Variants in CDYL2 observed in about 807,000 individuals in gnomAD.
CDYL2 encodes chromodomain Y like 2, also known as chromodomain Y-like protein 2.
Under a neutral mutation model 49.4 loss-of-function variants are expected in CDYL2, and 23 were observed. The observed-to-expected ratio is 0.47, with a 90% CI of 0.34 to 0.66. The LOEUF (loss-of-function observed/expected upper bound fraction) is 0.66, where lower values mean the gene tolerates loss of function less well. Ranked by LOEUF, CDYL2 falls within the 30% of genes least tolerant of loss-of-function variation. CDYL2 has a pLI of 0.01. For missense variants in CDYL2, 678 were observed against 656.4 expected (o/e 1.03, Z -0.36); for synonymous variants, 360 against 268.8 (o/e 1.34, Z -3.32).
At chr16:80,797,909 C>G (rs1907814257) in intron 1 of CDYL2, among the ~76,000 whole-genome samples, 1 of 152,228 alleles carries the variant, frequency 6.6e-6, no homozygotes, top group African/African-American at 2.4e-5. Context: ...GAAGGACAAT[C>G]TGGGAATATG....
At chr16:80,762,593 C>T (rs1471607620) in intron 1 of CDYL2, among the ~76,000 whole-genome samples, 2 of 152,234 alleles carry the variant, frequency 1.3e-5, no homozygotes, top group Non-Finnish European at 2.9e-5. Flanking sequence ...GAAAACTACA[C>T]TTGACCTCAT....
chr16:80,675,551 T>C (rs1474797226), intron 2 of CDYL2, among the ~76,000 whole-genome samples: 1 of 152,168 alleles, frequency 6.6e-6, no homozygotes, highest in East Asian at 1.9e-4. Context: ...GGCTGCTTTG[T>C]GTGAGGAGTC....
chr16:80,745,952 C>A (rs1257066834), intron 1 of CDYL2, among the ~76,000 whole-genome samples: 4 of 152,192 alleles, frequency 2.6e-5, no homozygotes, highest in African/African-American at 9.7e-5. Context: ...AGCCCTGTGA[C>A]TGTCAGGATA....
chr16:80,651,468 T>C (rs937255763), intron 2 of CDYL2, among the ~76,000 whole-genome samples: 30 of 152,234 alleles, frequency 2.0e-4, no homozygotes, highest in African/African-American at 7.2e-4. Flanking sequence ...AGGTGAGGCA[T>C]AGGAGACTTT....
intron 6 of CDYL2, among the ~76,000 whole-genome samples, chr16:80,606,163 C>G (rs997504243): frequency 6.6e-6 from 1 of 152,236 alleles, no homozygotes; most frequent in Non-Finnish European, 1.5e-5. Flanking sequence ...GGGCTAGAGG[C>G]TGCAGGTGGT....
chr16:80,660,973 G>C (rs924548747), intron 2 of CDYL2, among the ~76,000 whole-genome samples: 1 of 152,136 alleles, frequency 6.6e-6, no homozygotes, highest in African/African-American at 2.4e-5. Context: ...TGTCTGAGAG[G>C]GCAGGAAGTG....
At chr16:80,671,967 G>T (rs930876366) in intron 2 of CDYL2, among the ~76,000 whole-genome samples, 1 of 152,154 alleles carries the variant, frequency 6.6e-6, no homozygotes, top group African/African-American at 2.4e-5. Flanking sequence ...TGCACAGGTT[G>T]GGTATACCTT....
At chr16:80,783,560 CA>C (rs1397505905) in intron 1 of CDYL2, among the ~76,000 whole-genome samples, 1 of 152,026 alleles carries the variant, frequency 6.6e-6, no homozygotes, top group Admixed American at 6.6e-5. Context: ...TGCAGATCCA[CA>C]ATAATGGAAA....
chr16:80,608,127 G>T lies in CDYL2; in HGVS notation c.1327C>A (p.Leu443Met). 6.2e-7 allele frequency: 1 copy of T among 1,603,794 alleles called. No individual in the cohort carries two copies. Reference sequence around the variant, plus strand: ...CAGGATGCCATCTCCTTGACCCGCAGCATGACCTCCTGGCTGAACGTGGTG... The same window carrying T: ...CAGGATGCCATCTCCTTGACCCGCATCATGACCTCCTGGCTGAACGTGGTG... ...WPTTFSQEVM[L>M]RVKEMASCSA... is the part of the protein sequence containing the mutation. Residue 443 changes from leucine to methionine, a missense_variant, in exon 6 of 7, where the codon CTG becomes ATG. Leu to Met is a conservative substitution (Grantham distance 15, BLOSUM62 2). This residue lies in a region of CDYL2 where 153 missense variants were observed against 150.6 expected (regional missense o/e 1.02). Transcript: ENST00000570137.
chr16:80,692,390 A>T (rs1910452054), intron 1 of CDYL2, among the ~76,000 whole-genome samples: 1 of 152,226 alleles, frequency 6.6e-6, no homozygotes, highest in South Asian at 2.1e-4. Context: ...TCTATAGCCC[A>T]AGTGGTCCTT....
chr16:80,723,636 G>A (rs1038156192), intron 1 of CDYL2, among the ~76,000 whole-genome samples: 3 of 152,170 alleles, frequency 2.0e-5, no homozygotes, highest in Admixed American at 6.5e-5. Flanking sequence ...TAGCCTACAA[G>A]CTGCATCCAG....
intron 4 of CDYL2, among the ~76,000 whole-genome samples, chr16:80,614,869 GAAAAAAAA>G (rs57112645): frequency 1.4e-5 from 1 of 71,346 alleles, no homozygotes; most frequent in Non-Finnish European, 3.3e-5. Flanking sequence ...GTCTCAGGGA[GAAAAAAAA>G]AAAAAAAAAA....
At chr16:80,778,949 C>A (rs1220745962) in intron 1 of CDYL2, among the ~76,000 whole-genome samples, 1 of 152,064 alleles carries the variant, frequency 6.6e-6, no homozygotes, top group African/African-American at 2.4e-5. Flanking sequence ...CATATCCCTA[C>A]TTCACATAAT....
At chr16:80,725,502 G>A (rs139317057) in intron 1 of CDYL2, among the ~76,000 whole-genome samples, 232 of 152,314 alleles carry the variant, frequency 1.5e-3, no homozygotes, top group African/African-American at 5.2e-3. Flanking sequence ...GCCCACAGTA[G>A]GTGCTCAGGA....
intron 2 of CDYL2, 110 bp from the exon 3 acceptor site, chr16:80,633,346 CACACCACCTTCTCCCCT>C: frequency 2.8e-6 from 3 of 1,063,888 alleles, no homozygotes; most frequent in Non-Finnish European, 4.2e-6. Flanking sequence ...TGTGCTGGGA[CACACCACCTTCTCCCCT>C]GTGCCACCCT....
intron 2 of CDYL2, among the ~76,000 whole-genome samples, chr16:80,670,245 C>A (rs1909443313): frequency 6.6e-6 from 1 of 152,080 alleles, no homozygotes; most frequent in South Asian, 2.1e-4. Flanking sequence ...TTTTTATAAT[C>A]CCCACGTGTG....
intron 2 of CDYL2, among the ~76,000 whole-genome samples, chr16:80,666,354 C>T (rs1909261972): frequency 1.3e-5 from 2 of 152,144 alleles, no homozygotes; most frequent in African/African-American, 4.8e-5. Flanking sequence ...TCCTATGTTA[C>T]CATCAAGGCA....
chr16:80,634,561 G>C (rs1274201522), intron 2 of CDYL2, among the ~76,000 whole-genome samples: 2 of 152,054 alleles, frequency 1.3e-5, no homozygotes, highest in Admixed American at 6.5e-5. Flanking sequence ...AGAGTTAATG[G>C]GTACAGCAAA....
chr16:80,733,452 C>T (rs538566795), intron 1 of CDYL2, among the ~76,000 whole-genome samples: 1 of 152,314 alleles, frequency 6.6e-6, no homozygotes, highest in African/African-American at 2.4e-5. Flanking sequence ...TCTGGACATT[C>T]TCCAAGGTTC....
Sources: gnomAD v4.1 joint callset for allele counts (sites outside exome capture counted in the v4.1 genomes callset) on GRCh38, gnomAD v4.1.1 for gene constraint, gnomAD v4.1.1 regional missense constraint, MANE v1.5 for transcripts, NCBI Gene and HGNC (gene_info 2026-07-23, HGNC 2026-07-21) for gene names.